DYNC1LI1: variants seen among roughly 807,000 people sequenced by gnomAD.
The protein encoded by DYNC1LI1 is cytoplasmic dynein 1 light intermediate chain 1.
A neutral mutation model predicts 63.8 loss-of-function variants in DYNC1LI1; 19 were observed. The ratio of observed to expected loss-of-function variants is 0.30; its 90% CI spans 0.21 to 0.44. The LOEUF is 0.44. DYNC1LI1 is among the 20% of genes least tolerant of loss of function. The pLI, the probability that DYNC1LI1 is intolerant of heterozygous loss-of-function variation, is 1.00. For synonymous variants in DYNC1LI1, 225 were observed against 232.3 expected, an observed-to-expected ratio of 0.97 and a Z score of 0.28; for missense variants, 565 against 630.2, an observed-to-expected ratio of 0.90 and a Z score of 1.11.
intron 4 of DYNC1LI1, among the ~76,000 whole-genome samples, chr3:32,543,978 G>C (rs1288391618): frequency 2.6e-5 from 4 of 151,376 alleles, no homozygotes; most frequent in African/African-American, 9.7e-5. Flanking sequence ...AGGATGGCTT[G>C]AGCTGGTGGG....
In DYNC1LI1 at chr3:32,541,208, T is replaced by C; in HGVS notation, c.569-2A>G. The C allele has an allele frequency of 1.3e-6, 2 of 1,573,404 alleles. No individual in the cohort carries two copies. The highest frequency in any genetic ancestry group is 1.2e-5 in the South Asian group (1 of 85,372). On this transcript the variant is annotated splice_acceptor_variant, in intron 4 of 12. Transcript: ENST00000273130. LOFTEE classifies it high-confidence loss of function. Reference sequence around the variant, plus strand: ...CATATTCTTGGAAGTCTCTAATCACTGAAAATCAAAGTAAACACAATTTAG... The same window carrying C: ...CATATTCTTGGAAGTCTCTAATCACCGAAAATCAAAGTAAACACAATTTAG...
At chr3:32,541,599 T>C (rs1314400386) in intron 4 of DYNC1LI1, among the ~76,000 whole-genome samples, 3 of 152,230 alleles carry the variant, frequency 2.0e-5, no homozygotes, top group Non-Finnish European at 4.4e-5. Flanking sequence ...TAGATGATTT[T>C]CTAATACTAA....
chr3:32,567,866 G>C (rs1320090010), intron 2 of DYNC1LI1, among the ~76,000 whole-genome samples: 1 of 152,136 alleles, frequency 6.6e-6, no homozygotes, highest in African/African-American at 2.4e-5. Context: ...ACCATGCCCA[G>C]CTAATTTTTG....
chr3:32,558,338 C>A (rs886634353), intron 2 of DYNC1LI1, among the ~76,000 whole-genome samples: 1 of 149,444 alleles, frequency 6.7e-6, no homozygotes, highest in Non-Finnish European at 1.5e-5. Context: ...ATACTTTAAG[C>A]TTCTCAGGCC....
At chr3:32,560,770 G>T (rs1457717378) in intron 2 of DYNC1LI1, among the ~76,000 whole-genome samples, 1 of 151,938 alleles carries the variant, frequency 6.6e-6, no homozygotes, top group Non-Finnish European at 1.5e-5. Context: ...TTGGGAGGAT[G>T]AGGCAGGCAG....
chr3:32,568,853 T>C (rs1426379917), intron 2 of DYNC1LI1, among the ~76,000 whole-genome samples: 1 of 152,236 alleles, frequency 6.6e-6, no homozygotes. Context: ...TAAATCCATT[T>C]TACCTTAGAA....
rs11434502 is a variant in DYNC1LI1, at chr3:32,554,863, A to ATTT, written c.221-8901_221-8899dup. On this transcript the variant is annotated intron_variant, in intron 2 of 12. Coordinates refer to ENST00000273130, the MANE Select transcript of DYNC1LI1 (RefSeq NM_016141.4). ...AACATCTGGTAATTAAAATTTTTGA[A>ATTT]TTTTTTTTTTTTTTTTTTTTTTTTG... 4.6e-3 allele frequency among the ~76,000 whole-genome samples: 481 copies of ATTT among 104,666 alleles called. 4 individuals are homozygous for ATTT. Among genetic ancestry groups the ATTT allele is most frequent in the Middle Eastern group, 0.014 (2 of 138 alleles). The allele number at this position is 104,666 out of a possible 152,430, so 68.7% of individuals were successfully genotyped here.
intron 2 of DYNC1LI1, among the ~76,000 whole-genome samples, chr3:32,565,833 T>C (rs144228907): frequency 6.6e-6 from 1 of 152,302 alleles, no homozygotes; most frequent in Admixed American, 6.5e-5. Context: ...GGTCTCGAAC[T>C]CTTGACCTCA....
intron 2 of DYNC1LI1, among the ~76,000 whole-genome samples, chr3:32,569,080 C>T (rs1698306802): frequency 6.6e-6 from 1 of 152,106 alleles, no homozygotes; most frequent in Non-Finnish European, 1.5e-5. Flanking sequence ...CAAACATTAA[C>T]TCATTTGATT....
At chr3:32,542,391 G>A (rs1446412031) in intron 4 of DYNC1LI1, among the ~76,000 whole-genome samples, 3 of 151,260 alleles carry the variant, frequency 2.0e-5, no homozygotes, top group Non-Finnish European at 4.4e-5. Flanking sequence ...GTGAGCCACT[G>A]TGACCGGCTA....
chr3:32,537,874 T>TATATATATATAATTTATATATATA (rs1559435991), intron 5 of DYNC1LI1, among the ~76,000 whole-genome samples: 7 of 88,518 alleles, frequency 7.9e-5, no homozygotes, highest in South Asian at 3.0e-4. Flanking sequence ...TTTTGTTACA[T>TATATATATATAATTTATATATATA]ATATATATAT....
intron 5 of DYNC1LI1, among the ~76,000 whole-genome samples, chr3:32,537,936 TA>T (rs371975982): frequency 3.1e-4 from 4 of 13,054 alleles, no homozygotes; most frequent in African/African-American, 1.5e-3. Flanking sequence ...AATATATATA[TA>T]ATATATATAT....
chr3:32,535,161 G>A lies in DYNC1LI1; in HGVS notation c.833-515C>T, dbSNP rs1157968516. On this transcript the variant is annotated intron_variant, in intron 6 of 12. Coordinates refer to ENST00000273130, the MANE Select transcript of DYNC1LI1 (RefSeq NM_016141.4). ...AAACCCAATGTTGAAAGGTGAGCCA[G>A]CAGGTACCAATTAGGAAGCTTTCAG... Among the ~76,000 whole-genome samples, 7 of 152,198 alleles carry A rather than the reference G, an allele frequency of 4.6e-5. 1 individual carries two copies. Among genetic ancestry groups the A allele is most frequent in the Admixed American group, 4.6e-4 (7 of 15,286 alleles).
chr3:32,566,090 G>A (rs998990000), intron 2 of DYNC1LI1, among the ~76,000 whole-genome samples: 7 of 152,192 alleles, frequency 4.6e-5, no homozygotes, highest in South Asian at 2.1e-4. Flanking sequence ...TGGGCAACAC[G>A]GTGAGACCTC....
rs1279992958 is a variant in DYNC1LI1, at chr3:32,537,996, ATT to A, written c.739-894_739-893del. On this transcript the variant is annotated intron_variant, in intron 5 of 12. Transcript: ENST00000273130. ...TATTTATATATAATATATATATATA[ATT>A]TATATATATAATATATATATATAAT... is the stretch of plus-strand genomic sequence containing the variant. Among the ~76,000 whole-genome samples, 9 of 54,330 alleles carry A rather than the reference ATT, an allele frequency of 1.7e-4. 1 individual carries two copies. The highest frequency in any genetic ancestry group is 6.2e-4 in the African/African-American group (7 of 11,266). The allele number at this position is 54,330 out of a possible 152,430, so 35.6% of individuals were successfully genotyped here.
intron 8 of DYNC1LI1, chr3:32,532,023 AT>A (rs1697704311): frequency 6.6e-6 from 1 of 152,180 alleles, no homozygotes; most frequent in African/African-American, 2.4e-5. Context: ...CAGATTAGGG[AT>A]AGTCAATTTA....
chr3:32,543,681 C>T (rs1697913524), intron 4 of DYNC1LI1, among the ~76,000 whole-genome samples: 2 of 150,714 alleles, frequency 1.3e-5, no homozygotes, highest in South Asian at 4.2e-4. Context: ...GCTGGGATTA[C>T]AGGCGTGAGC....
chr3:32,529,259 T>A (rs78539603), intron 11 of DYNC1LI1, among the ~76,000 whole-genome samples: 1 of 152,188 alleles, frequency 6.6e-6, no homozygotes, highest in Non-Finnish European at 1.5e-5. Flanking sequence ...TTTATGTTAA[T>A]TGCAGATTAC....
chr3:32,538,687 C>G (rs1400247707), intron 5 of DYNC1LI1, among the ~76,000 whole-genome samples: 1 of 150,182 alleles, frequency 6.7e-6, no homozygotes, highest in Non-Finnish European at 1.5e-5. Context: ...GGTGACAGTG[C>G]AAGGCTCCAT....
Sources: gnomAD v4.1 joint callset for allele counts (sites outside exome capture counted in the v4.1 genomes callset) on GRCh38, gnomAD v4.1.1 for gene constraint, MANE v1.5 for transcripts, NCBI Gene and HGNC (gene_info 2026-07-23, HGNC 2026-07-21) for gene names.